The following CNTN1 variants were observed in gnomAD, a reference collection of about 807,000 sequenced individuals.
CNTN1 encodes contactin 1, also known as contactin-1.
CNTN1 carries 38 observed loss-of-function variants against 126.4 expected under a neutral mutation model. The ratio of observed to expected loss-of-function variants is 0.30; its 90% CI spans 0.23 to 0.39. The LOEUF is 0.39. Among genes scored for constraint, CNTN1 ranks in the 10% least tolerant of loss-of-function variants. The pLI is 1.00. For missense variants in CNTN1, 1,009 were observed against 1,248.4 expected (o/e 0.81, Z 2.89); for synonymous variants, 413 against 422.6 (o/e 0.98, Z 0.28).
intron 15 of CNTN1, chr12:40,979,097 A>G (rs1048195735): frequency 1.3e-5 from 2 of 152,218 alleles, no homozygotes; most frequent in Admixed American, 1.3e-4. Flanking sequence ...GTTCTCTCTG[A>G]ATATCAAATG....
intron 1 of CNTN1, among the ~76,000 whole-genome samples, chr12:40,746,727 G>T (rs185043907): frequency 2.6e-5 from 4 of 152,122 alleles, no homozygotes; most frequent in Admixed American, 2.0e-4. Context: ...CTTACTGGAG[G>T]TGTAGGCACG....
rs1197782090 is a variant in CNTN1 at position 40,765,498 on chromosome 12, G to A, written c.-77+72906G>A. Among the ~76,000 whole-genome samples, 3 of 152,124 alleles carry A rather than the reference G, an allele frequency of 2.0e-5. No homozygotes were observed. In the East Asian group the frequency reaches 5.8e-4, roughly 29 times the overall value. On this transcript the variant is annotated intron_variant, in intron 1 of 23. Transcript: ENST00000551295. ...ACTTCAGAGATAGAACAGAGGCAAA[G>A]GAACAAGCAAAGGAGAACAAGAATG...
rs148211719 is a variant in CNTN1 at position 40,999,275 on chromosome 12, G to A, written c.2113+6006G>A. 3.6e-3 allele frequency among the ~76,000 whole-genome samples: 541 copies of A among 152,202 alleles called. 2 individuals carry two copies. The highest frequency in any genetic ancestry group is 6.2e-3 in the Non-Finnish European group (424 of 68,006). ...TTAAAGCAGCTCACTATTTTTAACC[G>A]TTCACAGTAAAATTATACATGTTAT... On this transcript the variant is annotated intron_variant, in intron 17 of 23. Transcript: ENST00000551295.
At chr12:40,920,508 A>C (rs1479903086) in intron 4 of CNTN1, among the ~76,000 whole-genome samples, 1 of 150,424 alleles carries the variant, frequency 6.6e-6, no homozygotes, top group Non-Finnish European at 1.5e-5. Context: ...GAAAAAAAAA[A>C]GTGGGGGGAA....
intron 1 of CNTN1, among the ~76,000 whole-genome samples, chr12:40,853,599 T>A (rs1259999450): frequency 6.6e-6 from 1 of 152,060 alleles, no homozygotes; most frequent in African/African-American, 2.4e-5. Context: ...TGTAAGACAC[T>A]GTGATAAACA....
At chr12:40,869,074 A>G (rs774048701) in intron 1 of CNTN1, among the ~76,000 whole-genome samples, 44 of 151,888 alleles carry the variant, frequency 2.9e-4, no homozygotes, top group Non-Finnish European at 4.3e-4. Context: ...AATTTCTATT[A>G]ATTTTGAATA....
intron 1 of CNTN1, among the ~76,000 whole-genome samples, chr12:40,806,281 C>T (rs923646929): frequency 1.3e-5 from 2 of 152,094 alleles, no homozygotes; most frequent in Admixed American, 6.6e-5. Context: ...CCCGCCAATC[C>T]TTTAGCAGTA....
intron 14 of CNTN1, among the ~76,000 whole-genome samples, chr12:40,956,874 T>TG (rs1170213900): frequency 6.6e-6 from 1 of 151,946 alleles, no homozygotes; most frequent in African/African-American, 2.4e-5. Context: ...GGAACAGTGG[T>TG]GGAAGTAGTG....
rs75471086 is a variant in CNTN1 at position 40,733,169 on chromosome 12, C to T, written c.-77+40577C>T. On this transcript the variant is annotated intron_variant, in intron 1 of 23. Transcript: ENST00000551295. ...GTATTTGGTTATAATATTTTGTTGGCTGATGTTACACTTGATTTGCAGTTT... is the reference window on the plus strand; with the variant it reads ...GTATTTGGTTATAATATTTTGTTGGTTGATGTTACACTTGATTTGCAGTTT... 4.6e-3 allele frequency among the ~76,000 whole-genome samples: 705 copies of T among 152,056 alleles called. 1 individual carries two copies. The highest frequency in any genetic ancestry group is 8.3e-3 in the Non-Finnish European group (567 of 67,936).
intron 1 of CNTN1, among the ~76,000 whole-genome samples, chr12:40,757,677 C>A (rs1013570438): frequency 1.3e-5 from 2 of 152,106 alleles, no homozygotes; most frequent in African/African-American, 4.8e-5. Flanking sequence ...CAAGGATAAC[C>A]TTGTTGCTCC....
chr12:40,943,769 A>T (rs1446097559), intron 13 of CNTN1, 45 bp downstream of exon 13: 1 of 1,603,512 alleles, frequency 6.2e-7, no homozygotes, highest in South Asian at 1.1e-5. Context: ...GTATTAAAAA[A>T]CATGATTCAG....
intron 23 of CNTN1, chr12:41,061,638 G>C (rs1251257281): frequency 1.6e-5 from 5 of 314,550 alleles, no homozygotes; most frequent in Non-Finnish European, 3.1e-5. Flanking sequence ...TAACAAATAT[G>C]TTTGCAAATT....
intron 1 of CNTN1, among the ~76,000 whole-genome samples, chr12:40,747,146 T>A (rs1768685751): frequency 1.3e-5 from 2 of 152,146 alleles, no homozygotes; most frequent in South Asian, 4.1e-4. Context: ...TCTGTCTCTA[T>A]CATTTAGTTT....
rs778180815 is a variant in CNTN1 at position 41,016,847 on chromosome 12, G to A, written c.2350G>A (p.Val784Ile). 3.7e-6 allele frequency: 6 copies of A among 1,614,096 alleles called. No homozygotes were observed. The highest frequency in any genetic ancestry group is 5.1e-6 in the Non-Finnish European group (6 of 1,180,014). Residue 784 changes from valine (V) to isoleucine (I), a missense_variant, in exon 19 of 24, where the codon GTC (valine) becomes ATC (isoleucine). Transcript: ENST00000551295. ...MSPSTAFQVKVKAFNNKGDGP... is the reference protein window; with the variant it reads ...MSPSTAFQVKIKAFNNKGDGP... ...CCCTTCCACTGCATTTCAAGTTAAA[G>A]TCAAGGCCTTCAACAACAAAGGAGA... is the stretch of plus-strand genomic sequence containing the variant.
chr12:40,784,545 G>A (rs904988989), intron 1 of CNTN1, among the ~76,000 whole-genome samples: 9 of 152,066 alleles, frequency 5.9e-5, no homozygotes, highest in South Asian at 2.1e-4. Context: ...TTTGCTGAGC[G>A]GGCTAGAAAA....
At chr12:40,717,831 T>C (rs1050001230) in intron 1 of CNTN1, among the ~76,000 whole-genome samples, 1 of 152,218 alleles carries the variant, frequency 6.6e-6, no homozygotes, top group Non-Finnish European at 1.5e-5. Context: ...ATTGTGCCCA[T>C]GAATTCTCAC....
At chr12:41,042,410 A>G (rs1049065001) in intron 23 of CNTN1, among the ~76,000 whole-genome samples, 4 of 151,826 alleles carry the variant, frequency 2.6e-5, no homozygotes, top group Admixed American at 2.6e-4. Flanking sequence ...TGGGGTGGAG[A>G]GTTCTGTAGA....
chr12:40,846,930 C>T (rs973462942), intron 1 of CNTN1, among the ~76,000 whole-genome samples: 1 of 151,990 alleles, frequency 6.6e-6, no homozygotes. Context: ...TGCAGTGGTG[C>T]GATCTCGGCT....
intron 1 of CNTN1, among the ~76,000 whole-genome samples, chr12:40,827,312 C>T (rs931751852): frequency 1.7e-4 from 26 of 151,864 alleles, no homozygotes. Flanking sequence ...TTGATGAACA[C>T]TTGTACCCAT....
Sources: allele counts gnomAD v4.1 joint callset (sites outside exome capture counted in the v4.1 genomes callset), GRCh38; gene constraint gnomAD v4.1.1; transcripts MANE v1.5; gene names NCBI Gene and HGNC (gene_info 2026-07-23, HGNC 2026-07-21).